Variants in TUNAR observed in about 807,000 individuals in gnomAD.
TUNAR encodes the protein protein TUNAR.
At chr14:95,881,405 G>A (rs1888975455) in intron 2 of TUNAR, among the ~76,000 whole-genome samples, 1 of 152,176 alleles carries the variant, frequency 6.6e-6, no homozygotes, top group Non-Finnish European at 1.5e-5. Context: ...TGATGTATGC[G>A]ACGTCAGTCT....
chr14:95,880,905 G>A (rs1298742817), intron 2 of TUNAR, among the ~76,000 whole-genome samples: 4 of 152,222 alleles, frequency 2.6e-5, no homozygotes, highest in Non-Finnish European at 1.5e-5. Flanking sequence ...AGTAGACATT[G>A]TGAACCCTGT....
At chr14:95,902,088 G>C (rs531233970) in intron 2 of TUNAR, among the ~76,000 whole-genome samples, 1 of 152,320 alleles carries the variant, frequency 6.6e-6, no homozygotes, top group African/African-American at 2.4e-5. Context: ...CAATCCTTTA[G>C]TTGTGATGGG....
intron 2 of TUNAR, among the ~76,000 whole-genome samples, chr14:95,880,558 A>G (rs1888964698): frequency 1.3e-5 from 2 of 152,214 alleles, no homozygotes; most frequent in African/African-American, 4.8e-5. Context: ...ATGACATTCT[A>G]TCTGTGTAGC....
At chr14:95,894,557 C>G (rs999989244) in intron 2 of TUNAR, among the ~76,000 whole-genome samples, 2 of 152,068 alleles carry the variant, frequency 1.3e-5, no homozygotes, top group Admixed American at 1.3e-4. Context: ...TCCTGCTTGT[C>G]GAAACACTTT....
intron 2 of TUNAR, among the ~76,000 whole-genome samples, chr14:95,878,560 A>G (rs1281313297): frequency 2.6e-5 from 4 of 152,160 alleles, no homozygotes; most frequent in Non-Finnish European, 5.9e-5. Flanking sequence ...ATTCTGAGTG[A>G]CAAAACTAGT....
chr14:95,906,651 C>G (rs1409126203), intron 2 of TUNAR, among the ~76,000 whole-genome samples: 1 of 152,162 alleles, frequency 6.6e-6, no homozygotes, highest in Non-Finnish European at 1.5e-5. Context: ...TCTTTTCTTT[C>G]CCACCCCCTT....
At chr14:95,907,348 A>G (rs1191298354) in intron 2 of TUNAR, among the ~76,000 whole-genome samples, 1 of 152,198 alleles carries the variant, frequency 6.6e-6, no homozygotes, top group East Asian at 1.9e-4. Context: ...GGAAATGTAT[A>G]TGTGGTTTTG....
At chr14:95,904,239 G>T (rs1038499957) in intron 2 of TUNAR, among the ~76,000 whole-genome samples, 4 of 152,216 alleles carry the variant, frequency 2.6e-5, no homozygotes, top group African/African-American at 9.6e-5. Flanking sequence ...CTCCTGTGGG[G>T]GGGCCTGGGT....
chr14:95,910,044 G>A (rs1256626866), intron 2 of TUNAR, among the ~76,000 whole-genome samples: 1 of 152,162 alleles, frequency 6.6e-6, no homozygotes, highest in Non-Finnish European at 1.5e-5. Context: ...CATGTTGGCT[G>A]CGTGATTTAA....
intron 2 of TUNAR, among the ~76,000 whole-genome samples, chr14:95,878,517 T>C (rs1888925531): frequency 6.6e-6 from 1 of 151,974 alleles, no homozygotes; most frequent in Non-Finnish European, 1.5e-5. Context: ...AAGGGTGGAC[T>C]GACCAGCCCT....
chr14:95,877,812 T>A (rs1414954363), intron 2 of TUNAR, among the ~76,000 whole-genome samples: 1 of 152,234 alleles, frequency 6.6e-6, no homozygotes, highest in Non-Finnish European at 1.5e-5. Flanking sequence ...TAGCAAGCAC[T>A]TTTTGTCCAT....
chr14:95,876,900 C>A, exon 2 of TUNAR: 1 of 152,418 alleles, frequency 6.6e-6, no homozygotes, highest in Non-Finnish European at 1.5e-5. Context: ...GAGGAGCCCC[C>A]GGGTGCCGCC....
intron 2 of TUNAR, among the ~76,000 whole-genome samples, chr14:95,911,976 G>T (rs1429751682): frequency 3.3e-5 from 5 of 152,136 alleles, no homozygotes; most frequent in Admixed American, 1.3e-4. Context: ...GCCCCTTTTG[G>T]TTTTCAAATT....
chr14:95,893,756 C>T (rs1032004350), intron 2 of TUNAR, among the ~76,000 whole-genome samples: 1 of 152,260 alleles, frequency 6.6e-6, no homozygotes, highest in Admixed American at 6.5e-5. Flanking sequence ...CCAGGCTCCT[C>T]ACTTTGTATT....
At chr14:95,915,420 T>C (rs1889586751) in intron 2 of TUNAR, among the ~76,000 whole-genome samples, 1 of 152,190 alleles carries the variant, frequency 6.6e-6, no homozygotes. Flanking sequence ...GTGTTTACAG[T>C]TGACCCACCT....
intron 2 of TUNAR, among the ~76,000 whole-genome samples, chr14:95,921,838 C>T (rs561340770): frequency 1.3e-5 from 2 of 152,288 alleles, no homozygotes; most frequent in South Asian, 4.1e-4. Context: ...TTGTACTGCA[C>T]AAATTTGTCT....
rs780206430 is a variant in TUNAR at position 95,895,177 on chromosome 14, G to T, written c.12+18000G>T. The stretch of plus-strand genomic sequence containing the variant: ...GTCCCAGAGAGGGGACATCTGAGCT[G>T]CATCTTAAAGGAAGAGTAGCAGTTA... On this transcript the variant is annotated intron_variant, in intron 2 of 2. Transcript: ENST00000678517. The surrounding 1 kb of genome is among the most constrained non-coding windows in gnomAD (Gnocchi z 4.5). 6.6e-6 allele frequency among the ~76,000 whole-genome samples: 1 copy of T among 152,244 alleles called. No homozygotes were observed. The highest frequency in any genetic ancestry group is 1.9e-4 in the East Asian group (1 of 5,192).
At chr14:95,920,393 C>CTA (rs777611793) in intron 2 of TUNAR, among the ~76,000 whole-genome samples, 3 of 151,914 alleles carry the variant, frequency 2.0e-5, no homozygotes, top group Non-Finnish European at 4.4e-5. Flanking sequence ...TGTATGTTTA[C>CTA]TATACATCAT....
At chr14:95,912,673 C>T (rs1053031291) in intron 2 of TUNAR, among the ~76,000 whole-genome samples, 1 of 151,972 alleles carries the variant, frequency 6.6e-6, no homozygotes. Flanking sequence ...AAAATATTCC[C>T]ATCATTAACA....
Sources: allele counts gnomAD v4.1 joint callset (sites outside exome capture counted in the v4.1 genomes callset), GRCh38; gene constraint gnomAD v4.1.1; non-coding constraint Gnocchi (gnomAD v3.1); transcripts MANE v1.5; gene names NCBI Gene and HGNC (gene_info 2026-07-23, HGNC 2026-07-21).